The following TRA2B variants were observed in gnomAD, a reference collection of about 807,000 sequenced individuals.
TRA2B encodes the protein transformer 2 beta homolog, also known as transformer-2 protein homolog beta.
In TRA2B, 14 loss-of-function variants were observed where a neutral mutation model predicts 41.7. The observed-to-expected ratio is 0.34, with a 90% CI of 0.22 to 0.53. The LOEUF (loss-of-function observed/expected upper bound fraction) is 0.53, where lower values mean the gene tolerates loss of function less well. Among genes scored for constraint, TRA2B ranks in the 20% least tolerant of loss-of-function variants. The probability of loss-of-function intolerance (pLI) is 0.95; values close to 1 mark genes in which losing one functional copy is unlikely to be tolerated. For missense variants in TRA2B, 167 were observed against 396.8 expected, an observed-to-expected ratio of 0.42 and a Z score of 4.92; for synonymous variants, 130 against 128.8, an observed-to-expected ratio of 1.01 and a Z score of -0.06.
intron 1 of TRA2B, chr3:185,935,342 AG>A (rs1376759247): frequency 1.2e-6 from 1 of 841,262 alleles, no homozygotes; most frequent in Non-Finnish European, 1.4e-6. Flanking sequence ...ATTACCTTTG[AG>A]AGGGGGGAAA....
At chr3:185,930,795 T>C (rs1744121383) in intron 1 of TRA2B, among the ~76,000 whole-genome samples, 1 of 152,178 alleles carries the variant, frequency 6.6e-6, no homozygotes, top group African/African-American at 2.4e-5. Context: ...CCTCTAACAT[T>C]ACAATAGCTA....
intron 5 of TRA2B, 49 bp from the exon 6 acceptor site, chr3:185,921,236 G>C: frequency 6.5e-7 from 1 of 1,532,952 alleles, no homozygotes; most frequent in Non-Finnish European, 9.0e-7. Flanking sequence ...TTCTGGACAT[G>C]AGTTTTTATA....
At chr3:185,931,611 T>TA in intron 1 of TRA2B, 1 of 1,291,370 alleles carries the variant, frequency 7.7e-7, no homozygotes, top group Non-Finnish European at 9.8e-7. Flanking sequence ...GATTACTTCT[T>TA]ATCTTAACTT....
chr3:185,936,942 T>G (rs184563069), intron 1 of TRA2B: 1 of 985,356 alleles, frequency 1.0e-6, no homozygotes, highest in South Asian at 4.7e-5. Flanking sequence ...GAAAGAAAAC[T>G]GTAGCCAACA....
In TRA2B at chr3:185,934,575, A is replaced by G. The variant is rs909137188; in HGVS notation, c.36+3250T>C. 3 of 985,310 alleles carry G rather than the reference A, an allele frequency of 3.0e-6. No individual in the cohort carries two copies. In the African/African-American group the frequency reaches 5.2e-5, roughly 17 times the overall value. The allele number at this position is 985,310 out of a possible 1,614,324, so 61.0% of individuals were successfully genotyped here. A position where few individuals can be genotyped will look rare whatever the true frequency, so the allele number is the denominator to read the frequency against. On this transcript the variant is annotated intron_variant, in intron 1 of 8. Coordinates refer to ENST00000453386, the MANE Select transcript of TRA2B (RefSeq NM_004593.3). ...GACTGATAAACCTAACCAGACTCAC[A>G]ATACAAAACAATTTCCTCCTATTTG... is the stretch of plus-strand genomic sequence containing the variant.
intron 4 of TRA2B, chr3:185,923,265 G>A (rs1190718286): frequency 6.6e-6 from 1 of 152,410 alleles, no homozygotes; most frequent in African/African-American, 2.4e-5. Flanking sequence ...CAAGAAGAGT[G>A]AAACTCCGTT....
intron 6 of TRA2B, 91 bp from the exon 7 acceptor site, chr3:185,919,587 G>C (rs748942864): frequency 9.8e-6 from 10 of 1,015,880 alleles, no homozygotes; most frequent in Non-Finnish European, 1.4e-5. Flanking sequence ...AACTTTCATA[G>C]AGCATGAATG....
intron 1 of TRA2B, chr3:185,936,181 AG>A (rs1428284851): frequency 1.0e-6 from 1 of 985,324 alleles, no homozygotes; most frequent in Non-Finnish European, 1.2e-6. Context: ...AAGAGTAGAA[AG>A]GTACCCAATA....
intron 1 of TRA2B, chr3:185,936,068 G>C (rs1305397148): frequency 7.1e-6 from 7 of 985,156 alleles, no homozygotes; most frequent in African/African-American, 7.0e-5. Flanking sequence ...CCCTTCTCAC[G>C]TAAAATATAC....
Position 185,925,515 on chromosome 3 carries a change from G to A in TRA2B, c.282C>T (p.His94=), listed in dbSNP as rs1273998180. 6.2e-7 allele frequency: 1 copy of A among 1,614,170 alleles called. No homozygotes were observed. The highest frequency in any genetic ancestry group is 8.5e-7 in the Non-Finnish European group (1 of 1,180,014). Reference sequence around the variant, plus strand: ...TAGACATGGGAGAATGGCTGTGGCTGTGCCGTCTACGATAATCTCGACTGT... The same window carrying A: ...TAGACATGGGAGAATGGCTGTGGCTATGCCGTCTACGATAATCTCGACTGT... ...RSYSRDYRRR[H]SHSHSPMSTR... is the part of the protein sequence containing the mutation. The change falls in exon 3 of 9, where the codon CAC becomes CAT. Residue 94 remains histidine (H), a synonymous_variant. Transcript: ENST00000453386.
chr3:185,936,624 A>G (rs1346363033), intron 1 of TRA2B: 1 of 985,082 alleles, frequency 1.0e-6, no homozygotes, highest in African/African-American at 1.7e-5. Context: ...GATAAATCAT[A>G]TTCAGATCTT....
chr3:185,923,483 A>G, intron 4 of TRA2B: 2 of 197,872 alleles, frequency 1.0e-5, no homozygotes, highest in Non-Finnish European at 2.0e-5. Flanking sequence ...TTCCTTCTGC[A>G]TCATAACTTT....
intron 6 of TRA2B, 65 bp from the exon 7 acceptor site, chr3:185,919,561 C>G: frequency 7.2e-7 from 1 of 1,379,882 alleles, no homozygotes; most frequent in Non-Finnish European, 1.0e-6. Flanking sequence ...TTATGTCATT[C>G]ATTTAGTAAA....
Position 185,919,389 on chromosome 3 carries a change from G to A in TRA2B, c.782+48C>T, listed in dbSNP as rs776495239. The A allele has an allele frequency of 3.4e-6, 5 of 1,485,752 alleles. No individual in the cohort carries two copies. The Admixed American group carries it at 6.2e-5, about 18-fold the overall frequency. The allele number at this position is 1,485,752 out of a possible 1,614,324, so 92.0% of individuals were successfully genotyped here. A position where few individuals can be genotyped will look rare whatever the true frequency, so the allele number is the denominator to read the frequency against. The stretch of plus-strand genomic sequence containing the variant: ...AACATTACTAGGCAAACATCTTTAT[G>A]TGAAGCTTTATACTGTTGTACAGAT... On this transcript the variant is annotated intron_variant, in intron 7 of 8. Coordinates refer to ENST00000453386, the MANE Select transcript of TRA2B (RefSeq NM_004593.3).
intron 8 of TRA2B, among the ~76,000 whole-genome samples, chr3:185,917,947 A>G (rs1743565475): frequency 6.6e-6 from 1 of 152,242 alleles, no homozygotes; most frequent in African/African-American, 2.4e-5. Flanking sequence ...TCAATCTGAG[A>G]ACTAAAGGGC....
intron 1 of TRA2B, chr3:185,927,051 A>AT (rs1461888605): frequency 4.4e-6 from 1 of 225,104 alleles, no homozygotes; most frequent in African/African-American, 2.3e-5. Context: ...GTTACTCCAT[A>AT]AAGACTAGGG....
intron 1 of TRA2B, chr3:185,936,944 T>C (rs1191536508): frequency 1.0e-6 from 1 of 985,284 alleles, no homozygotes; most frequent in African/African-American, 1.7e-5. Context: ...AAGAAAACTG[T>C]AGCCAACACA....
chr3:185,933,022 T>C (rs987355486), intron 1 of TRA2B, among the ~76,000 whole-genome samples: 1 of 152,212 alleles, frequency 6.6e-6, no homozygotes, highest in African/African-American at 2.4e-5. Flanking sequence ...TTTTTAAATA[T>C]GTTTTTATTT....
intron 1 of TRA2B, chr3:185,934,978 A>G (rs1189337004): frequency 3.0e-6 from 3 of 985,288 alleles, no homozygotes; most frequent in Middle Eastern, 5.2e-4. Flanking sequence ...TTTAGTAAAG[A>G]CTCACTCGTA....
Sources: allele counts gnomAD v4.1 joint callset (sites outside exome capture counted in the v4.1 genomes callset), GRCh38; gene constraint gnomAD v4.1.1; transcripts MANE v1.5; gene names NCBI Gene and HGNC (gene_info 2026-07-23, HGNC 2026-07-21).